NIN: variants seen among roughly 807,000 people sequenced by gnomAD.
NIN encodes the protein glycogen synthase kinase 3 beta-interacting protein.
A neutral mutation model predicts 257.6 loss-of-function variants in NIN; 137 were observed. That is an observed-to-expected ratio of 0.53 (90% CI 0.46 to 0.61). The LOEUF (loss-of-function observed/expected upper bound fraction) is 0.61, where lower values mean the gene tolerates loss of function less well. Ranked by LOEUF, NIN falls within the 20% of genes least tolerant of loss-of-function variation. NIN has a pLI of 0.00. For synonymous variants in NIN, 918 were observed against 919.8 expected (o/e 1.00, Z 0.04); for missense variants, 2,439 against 2,501.2 (o/e 0.98, Z 0.53).
intron 29 of NIN, 31 bp downstream of exon 29, chr14:50,729,492 G>C: frequency 6.3e-7 from 1 of 1,577,116 alleles, no homozygotes; most frequent in Non-Finnish European, 8.7e-7. Context: ...AAATTAACAG[G>C]TGATCTACTA....
chr14:50,785,562 TC>T (rs2043311420), intron 5 of NIN, among the ~76,000 whole-genome samples: 1 of 152,050 alleles, frequency 6.6e-6, no homozygotes, highest in African/African-American at 2.4e-5. Flanking sequence ...GTAACATAGC[TC>T]CCCAAACAAA....
chr14:50,784,137 A>G (rs1196780016), intron 5 of NIN, among the ~76,000 whole-genome samples: 1 of 152,208 alleles, frequency 6.6e-6, no homozygotes, highest in African/African-American at 2.4e-5. Context: ...TTGTAGACAG[A>G]TAACTGTAGA....
chr14:50,809,468 CG>C (rs1566870723), intron 3 of NIN, among the ~76,000 whole-genome samples: 2 of 152,096 alleles, frequency 1.3e-5, no homozygotes, highest in Admixed American at 1.3e-4. Context: ...CTGAATGAAA[CG>C]TAAGTCTCTC....
chr14:50,762,998 T>C (rs1033901531), intron 15 of NIN, among the ~76,000 whole-genome samples: 2 of 152,062 alleles, frequency 1.3e-5, no homozygotes, highest in Non-Finnish European at 2.9e-5. Context: ...ATATATCATA[T>C]TATGAGATCC....
intron 29 of NIN, chr14:50,727,768 A>G (rs369117235): frequency 3.4e-5 from 48 of 1,419,494 alleles, no homozygotes; most frequent in Non-Finnish European, 4.2e-5. Flanking sequence ...AAAGAAGGCA[A>G]GTAGTACACT....
Position 50,757,527 on chromosome 14 carries a change from A to C in NIN, c.3503T>G (p.Val1168Gly). ...TGAAGCTTCAGACTCCTCTATTTTG[A>C]CTTCCTGTCTCTGAACAGAGCTCGT... ...TGTSSVQRQEVKIEESEASVE... is the reference protein window; with the variant it reads ...TGTSSVQRQEGKIEESEASVE... Residue 1168 changes from valine to glycine, a missense_variant, in exon 18 of 31, where the codon GTC becomes GGC. Coordinates refer to ENST00000530997, the MANE Select transcript of NIN (RefSeq NM_020921.4). The C allele has an allele frequency of 1.2e-6, 2 of 1,613,792 alleles. No individual in the cohort carries two copies. Among genetic ancestry groups the C allele is most frequent in the African/African-American group, 1.3e-5 (1 of 74,934 alleles).
At position 50,735,497 on chromosome 14, in the gene NIN, C is replaced by T. The variant is rs775520840; in HGVS notation, c.5877+19G>A. On this transcript the variant is annotated intron_variant, in intron 28 of 30. Coordinates refer to ENST00000530997, the MANE Select transcript of NIN (RefSeq NM_020921.4). ...TTAACATATTCTTCATAGCTAAGGC[C>T]ATCTGCTGAGAAACTTACCTCCATG... is the stretch of plus-strand genomic sequence containing the variant. 8.1e-6 allele frequency: 13 copies of T among 1,611,546 alleles called. No individual in the cohort carries two copies. In the South Asian group the frequency reaches 1.4e-4, roughly 18 times the overall value.
At chr14:50,785,472 G>A (rs2043307467) in intron 5 of NIN, among the ~76,000 whole-genome samples, 1 of 152,186 alleles carries the variant, frequency 6.6e-6, no homozygotes, top group Non-Finnish European at 1.5e-5. Flanking sequence ...GTAGAGTTGT[G>A]GTTTTTTGTT....
At chr14:50,745,595 GGT>G (rs2041501695) in intron 22 of NIN, among the ~76,000 whole-genome samples, 1 of 152,128 alleles carries the variant, frequency 6.6e-6, no homozygotes, top group Non-Finnish European at 1.5e-5. Context: ...GTCTTCAACT[GGT>G]GACAAATCCA....
At chr14:50,766,215 G>T in intron 14 of NIN, 92 bp downstream of exon 14, 1 of 898,518 alleles carries the variant, frequency 1.1e-6, no homozygotes. Flanking sequence ...CAGATGAAGT[G>T]ACTTGCTTAG....
rs933688679 is a variant in NIN at position 50,720,581 on chromosome 14, A to T, written c.*2882T>A. On this transcript the variant is annotated 3_prime_UTR_variant, in exon 31 of 31. Coordinates refer to ENST00000530997, the MANE Select transcript of NIN (RefSeq NM_020921.4). ...TTCATGAAAAATATGCCGAAGGCTA[A>T]ATATGCAATGCATTGAAATTTCTGG... 7 of 207,464 alleles carry T rather than the reference A, an allele frequency of 3.4e-5. No homozygotes were observed. Among genetic ancestry groups the T allele is most frequent in the Admixed American group, 1.8e-4 (3 of 16,864 alleles). The allele number at this position is 207,464 out of a possible 1,614,324, so 12.9% of individuals were successfully genotyped here.
At chr14:50,806,260 T>C (rs1477434811) in intron 4 of NIN, 2 of 152,398 alleles carry the variant, frequency 1.3e-5, no homozygotes, top group Non-Finnish European at 2.9e-5. Context: ...AACAGCATGG[T>C]CCTCAAGGAA....
intron 28 of NIN, among the ~76,000 whole-genome samples, chr14:50,731,854 G>T (rs936075722): frequency 6.6e-6 from 1 of 152,068 alleles, no homozygotes; most frequent in African/African-American, 2.4e-5. Context: ...GATTATTCCA[G>T]GTCCAGTACA....
rs369961593 is a variant in NIN, at chr14:50,784,697, C to T, written c.436-5893G>A. On this transcript the variant is annotated intron_variant, in intron 5 of 30. Coordinates refer to ENST00000530997, the MANE Select transcript of NIN (RefSeq NM_020921.4). ...TTCACAATGTATCCATATATCAAAA[C>T]ATCATGTTGTACACTGTAAACGTAC... Among the ~76,000 whole-genome samples, 29 of 152,196 alleles carry T rather than the reference C, an allele frequency of 1.9e-4. No homozygotes were observed. In the East Asian group the frequency reaches 3.7e-3, roughly 19 times the overall value.
At chr14:50,766,257 G>A in intron 14 of NIN, 50 bp downstream of exon 14, 2 of 1,437,454 alleles carry the variant, frequency 1.4e-6, no homozygotes, top group South Asian at 2.3e-5. Context: ...GGAAGCTGGG[G>A]TCTGAACCCA....
At chr14:50,792,591 T>G in intron 5 of NIN, 121 bp downstream of exon 5, 4 of 963,774 alleles carry the variant, frequency 4.2e-6, no homozygotes, top group Non-Finnish European at 4.8e-6. Context: ...TAGCAAGGAG[T>G]TGGTAACTGA....
chr14:50,788,007 A>T (rs542950424), intron 5 of NIN, among the ~76,000 whole-genome samples: 1 of 152,214 alleles, frequency 6.6e-6, no homozygotes, highest in East Asian at 1.9e-4. Flanking sequence ...AAGACTTAAG[A>T]CAATAAAGGA....
chr14:50,810,670 A>AT (rs919307067), intron 3 of NIN, among the ~76,000 whole-genome samples: 8 of 151,352 alleles, frequency 5.3e-5, no homozygotes, highest in Non-Finnish European at 7.4e-5. Context: ...TTAATTAATT[A>AT]TTTTTTTTTG....
At chr14:50,755,648 C>CTCTTT (rs1566808426) in intron 18 of NIN, among the ~76,000 whole-genome samples, 1 of 79,992 alleles carries the variant, frequency 1.3e-5, no homozygotes, top group Non-Finnish European at 2.2e-5. Context: ...TGTTTTGTCT[C>CTCTTT]TTTTTTTTTT....
Sources: allele counts gnomAD v4.1 joint callset (sites outside exome capture counted in the v4.1 genomes callset), GRCh38; gene constraint gnomAD v4.1.1; transcripts MANE v1.5; gene names NCBI Gene and HGNC (gene_info 2026-07-23, HGNC 2026-07-21).